Variants in FARP1 observed in about 807,000 individuals in gnomAD.
The protein encoded by FARP1 is FERM, ARHGEF and pleckstrin domain-containing protein 1.
Under a neutral mutation model 128.8 loss-of-function variants are expected in FARP1, and 52 were observed. The ratio of observed to expected loss-of-function variants is 0.40; its 90% CI spans 0.32 to 0.51. The LOEUF is 0.51. Among genes scored for constraint, FARP1 ranks in the 20% least tolerant of loss-of-function variants. FARP1 has a pLI of 0.45. For missense variants in FARP1, 1,333 were observed against 1,367.9 expected (o/e 0.97, Z 0.40); for synonymous variants, 580 against 551.8 (o/e 1.05, Z -0.72).
chr13:98,376,110 C>T (rs1283871431), intron 5 of FARP1, among the ~76,000 whole-genome samples: 1 of 152,136 alleles, frequency 6.6e-6, no homozygotes, highest in Non-Finnish European at 1.5e-5. Flanking sequence ...TATCTATGAC[C>T]TTAAGTATTT....
chr13:98,367,935 C>A (rs953775394), intron 4 of FARP1, among the ~76,000 whole-genome samples, 182 bp from the exon 5 acceptor site: 1 of 152,172 alleles, frequency 6.6e-6, no homozygotes, highest in Non-Finnish European at 1.5e-5. Context: ...TCTTTCCCCA[C>A]AATATGGAAG....
intron 2 of FARP1, among the ~76,000 whole-genome samples, chr13:98,308,977 G>T (rs983033247): frequency 4.0e-5 from 6 of 151,802 alleles, no homozygotes; most frequent in African/African-American, 1.5e-4. Context: ...CACTATGCCC[G>T]GCCAATAGGT....
intron 1 of FARP1, among the ~76,000 whole-genome samples, chr13:98,207,913 C>CACAT (rs1880381862): frequency 1.2e-5 from 1 of 82,182 alleles, no homozygotes; most frequent in South Asian, 4.0e-4. Flanking sequence ...CACCTCCACA[C>CACAT]ACACACACAC....
At chr13:98,239,039 G>A (rs1339555265) in intron 2 of FARP1, among the ~76,000 whole-genome samples, 1 of 152,090 alleles carries the variant, frequency 6.6e-6, no homozygotes, top group African/African-American at 2.4e-5. Flanking sequence ...GTATGGATGG[G>A]GTCTTACCTG....
chr13:98,240,879 T>C (rs7317395), intron 2 of FARP1, among the ~76,000 whole-genome samples: 4,285 of 152,306 alleles, frequency 0.028, 193 homozygotes, highest in African/African-American at 0.099. Flanking sequence ...CCCGGAAACC[T>C]GGCATTCCTT....
intron 1 of FARP1, among the ~76,000 whole-genome samples, chr13:98,159,096 C>A (rs1425467680): frequency 1.3e-5 from 2 of 152,228 alleles, no homozygotes; most frequent in East Asian, 1.9e-4. Flanking sequence ...AGTGTGTGAA[C>A]AAGCATGGCA....
chr13:98,413,138 G>A (rs144676412), intron 16 of FARP1, among the ~76,000 whole-genome samples: 69 of 152,278 alleles, frequency 4.5e-4, no homozygotes, highest in Non-Finnish European at 8.5e-4. Context: ...AGTGATGTCC[G>A]GCTTTGTACA....
intron 2 of FARP1, among the ~76,000 whole-genome samples, chr13:98,286,020 T>C (rs372061136): frequency 2.0e-5 from 3 of 152,142 alleles, no homozygotes; most frequent in African/African-American, 7.2e-5. Context: ...TTAGGTACCC[T>C]GAGATCAGTA....
intron 17 of FARP1, among the ~76,000 whole-genome samples, chr13:98,428,395 C>G (rs891289672): frequency 5.3e-5 from 8 of 152,142 alleles, no homozygotes; most frequent in Non-Finnish European, 5.9e-5. Context: ...CTCTTTCTGA[C>G]ACTTCTACCA....
At chr13:98,148,568 C>G (rs1377426259) in intron 1 of FARP1, among the ~76,000 whole-genome samples, 2 of 152,208 alleles carry the variant, frequency 1.3e-5, no homozygotes, top group Admixed American at 1.3e-4. Flanking sequence ...TTAATGTGCT[C>G]ACCATTCCTT....
chr13:98,336,715 A>G (rs1187809621), intron 2 of FARP1, among the ~76,000 whole-genome samples: 1 of 152,194 alleles, frequency 6.6e-6, no homozygotes, highest in Non-Finnish European at 1.5e-5. Context: ...CCTCCTCCTA[A>G]GTTTAATTTT....
At chr13:98,321,497 A>G (rs182044689) in intron 2 of FARP1, among the ~76,000 whole-genome samples, 1 of 152,366 alleles carries the variant, frequency 6.6e-6, no homozygotes, top group East Asian at 1.9e-4. Flanking sequence ...GTGGTATGTC[A>G]TGCTCTTTAA....
chr13:98,277,311 C>T (rs1884710103), intron 2 of FARP1, among the ~76,000 whole-genome samples: 1 of 152,038 alleles, frequency 6.6e-6, no homozygotes, highest in Non-Finnish European at 1.5e-5. Flanking sequence ...CACCACCTTG[C>T]CTGGCTAATT....
At chr13:98,162,719 G>C (rs1876973328) in intron 1 of FARP1, among the ~76,000 whole-genome samples, 1 of 152,180 alleles carries the variant, frequency 6.6e-6, no homozygotes, top group Non-Finnish European at 1.5e-5. Flanking sequence ...GTCCAGGCCT[G>C]TTAGTCTCTG....
At chr13:98,151,335 C>T (rs1227736075) in intron 1 of FARP1, among the ~76,000 whole-genome samples, 2 of 152,060 alleles carry the variant, frequency 1.3e-5, no homozygotes, top group Non-Finnish European at 2.9e-5. Flanking sequence ...TTTAGGCATC[C>T]ACTGGGGGTC....
intron 2 of FARP1, among the ~76,000 whole-genome samples, chr13:98,288,703 A>T (rs1422190612): frequency 3.3e-5 from 5 of 152,162 alleles, no homozygotes; most frequent in African/African-American, 1.2e-4. Flanking sequence ...CTACAGACGG[A>T]TCATTGTTTT....
chr13:98,288,281 T>G (rs1233229685), intron 2 of FARP1, among the ~76,000 whole-genome samples: 1 of 152,104 alleles, frequency 6.6e-6, no homozygotes, highest in Non-Finnish European at 1.5e-5. Context: ...TCTTCAGTGG[T>G]TTTCCTTCAT....
At chr13:98,223,658 G>T (rs1881568859) in intron 2 of FARP1, among the ~76,000 whole-genome samples, 1 of 152,196 alleles carries the variant, frequency 6.6e-6, no homozygotes, top group South Asian at 2.1e-4. Flanking sequence ...TTATCACAAA[G>T]AATCTGTGGC....
rs1454749717 is a variant in FARP1 at position 98,446,094 on chromosome 13, T to C, written c.2797-4T>C. 1 of 1,609,606 alleles carries C rather than the reference T, an allele frequency of 6.2e-7. No individual in the cohort carries two copies. Among genetic ancestry groups the C allele is most frequent in the Non-Finnish European group, 8.5e-7 (1 of 1,175,940 alleles). On this transcript the variant is annotated splice_polypyrimidine_tract_variant and splice_region_variant and intron_variant, in intron 24 of 26. Coordinates refer to ENST00000319562, the MANE Select transcript of FARP1 (RefSeq NM_005766.4). Reference sequence around the variant, plus strand: ...TGCTTCTCACAGGCCTCCTTGCCTTTCAGAATCAGTTGTCTGGAAACCTGC... The same window carrying C: ...TGCTTCTCACAGGCCTCCTTGCCTTCCAGAATCAGTTGTCTGGAAACCTGC...
Sources: allele counts gnomAD v4.1 joint callset (sites outside exome capture counted in the v4.1 genomes callset), GRCh38; gene constraint gnomAD v4.1.1; transcripts MANE v1.5; gene names NCBI Gene and HGNC (gene_info 2026-07-23, HGNC 2026-07-21).